The following RNF121 variants were observed in gnomAD, a reference collection of about 807,000 sequenced individuals.
The protein encoded by RNF121 is ring finger protein 121.
A neutral mutation model predicts 46.5 loss-of-function variants in RNF121; 21 were observed. That is an observed-to-expected ratio of 0.45 (90% CI 0.32 to 0.65). RNF121 has a LOEUF of 0.65. Ranked by LOEUF, RNF121 falls within the 30% of genes least tolerant of loss-of-function variation. The pLI, the probability that RNF121 is intolerant of heterozygous loss-of-function variation, is 0.04. For synonymous variants in RNF121, 139 were observed against 144.7 expected (o/e 0.96, Z 0.28); for missense variants, 346 against 416.0 (o/e 0.83, Z 1.46).
At chr11:71,961,593 T>G (rs573314140) in intron 3 of RNF121, among the ~76,000 whole-genome samples, 2 of 152,182 alleles carry the variant, frequency 1.3e-5, no homozygotes, top group South Asian at 4.1e-4. Context: ...CAGTAATGGT[T>G]GAAATTAGGT....
chr11:71,982,500 G>A (rs774686922), intron 3 of RNF121, among the ~76,000 whole-genome samples: 3 of 152,170 alleles, frequency 2.0e-5, no homozygotes, highest in Non-Finnish European at 2.9e-5. Context: ...GCTCATTGCA[G>A]TCAGCCAGCC....
At chr11:71,936,906 A>G (rs1953429495) in intron 1 of RNF121, among the ~76,000 whole-genome samples, 1 of 152,196 alleles carries the variant, frequency 6.6e-6, no homozygotes, top group African/African-American at 2.4e-5. Context: ...GCCCATATCC[A>G]TATATTTATT....
Position 71,987,211 on chromosome 11 carries a change from A to G in RNF121, c.506+100A>G, listed in dbSNP as rs553977949. The G allele has an allele frequency of 2.5e-4, 191 of 778,316 alleles. No individual in the cohort carries two copies. In the East Asian group the frequency reaches 4.7e-3, roughly 19 times the overall value. The allele number at this position is 778,316 out of a possible 1,614,324, so 48.2% of individuals were successfully genotyped here. The stretch of plus-strand genomic sequence containing the variant: ...TCGTGGTTATTAACAGGAGGGACGT[A>G]ATATCCAGGATAGGAGACTTGGGTG... On this transcript the variant is annotated intron_variant, in intron 5 of 8. Transcript: ENST00000361756.
chr11:71,958,447 A>G (rs1284557112), intron 2 of RNF121, among the ~76,000 whole-genome samples: 3 of 152,322 alleles, frequency 2.0e-5, no homozygotes, highest in East Asian at 1.9e-4. Flanking sequence ...GACTGAAGCT[A>G]TAAGAAGATA....
intron 1 of RNF121, among the ~76,000 whole-genome samples, chr11:71,955,631 T>C (rs1953973156): frequency 6.6e-6 from 1 of 152,098 alleles, no homozygotes. Context: ...AGGAAGGGTA[T>C]GCAAAGGCCC....
intron 1 of RNF121, among the ~76,000 whole-genome samples, chr11:71,931,365 AT>A (rs1554983841): frequency 6.6e-6 from 1 of 152,194 alleles, no homozygotes; most frequent in Non-Finnish European, 1.5e-5. Context: ...GACTGGTTCT[AT>A]CTTTTTTGTT....
At chr11:71,986,972 T>C (rs945130478) in intron 4 of RNF121, 32 bp from the exon 5 acceptor site, 1 of 1,247,900 alleles carries the variant, frequency 8.0e-7, no homozygotes, top group Non-Finnish European at 1.2e-6. Context: ...AATCTCTGTG[T>C]CAGCTGCACT....
At chr11:71,953,486 C>T (rs1953927289) in intron 1 of RNF121, among the ~76,000 whole-genome samples, 1 of 152,188 alleles carries the variant, frequency 6.6e-6, no homozygotes, top group Non-Finnish European at 1.5e-5. Flanking sequence ...GCTTCTCAAA[C>T]TTTAATGTAC....
chr11:71,950,011 CAG>C (rs945252287), intron 1 of RNF121, among the ~76,000 whole-genome samples: 13 of 149,800 alleles, frequency 8.7e-5, no homozygotes, highest in African/African-American at 3.3e-4. Context: ...AAAAACAAAA[CAG>C]AACACACACA....
In RNF121 at chr11:71,942,795, T is replaced by G. The variant is rs866998902; in HGVS notation, c.63+13671T>G. Among the ~76,000 whole-genome samples the G allele has an allele frequency of 2.3e-3, 136 of 60,444 alleles. 1 individual carries two copies. The highest frequency in any genetic ancestry group is 8.6e-3 in the Admixed American group (49 of 5,696). 39.7% of individuals were successfully genotyped at this position (60,444 alleles called of 152,430 possible). ...CTGTATATATATATATATATAGATA[T>G]ATATATGTACACACACACACACACA... On this transcript the variant is annotated intron_variant, in intron 1 of 8. Coordinates refer to ENST00000361756, the MANE Select transcript of RNF121 (RefSeq NM_018320.5).
Position 71,994,746 on chromosome 11 carries a change from A to C in RNF121, c.655A>C (p.Lys219Gln). Residue 219 changes from lysine to glutamine, a missense_variant, in exon 7 of 9, where the codon AAA becomes CAA. Around this residue, in one of 2 missense-constraint regions of RNF121, gnomAD observed 286 missense variants for 383.8 expected, o/e 0.75. Transcript: ENST00000361756. Reference sequence around the variant, plus strand: ...CTACAGCGAGTCGGGCATGCCTACCAAACATCTTTCAGACAGTGTGTGTGC... The same window carrying C: ...CTACAGCGAGTCGGGCATGCCTACCCAACATCTTTCAGACAGTGTGTGTGC... ...GFYSESGMPTKHLSDSVCAVC... is the reference protein window; with the variant it reads ...GFYSESGMPTQHLSDSVCAVC... 6.2e-7 allele frequency: 1 copy of C among 1,614,156 alleles called. No homozygotes were observed. The highest frequency in any genetic ancestry group is 2.2e-5 in the East Asian group (1 of 44,888).
At chr11:71,949,372 TG>T (rs766813805) in intron 1 of RNF121, among the ~76,000 whole-genome samples, 5 of 151,964 alleles carry the variant, frequency 3.3e-5, no homozygotes, top group Non-Finnish European at 4.4e-5. Flanking sequence ...GATCTGTGAT[TG>T]CACTACGGCA....
intron 1 of RNF121, among the ~76,000 whole-genome samples, chr11:71,935,745 A>G (rs915059143): frequency 4.6e-5 from 7 of 152,268 alleles, no homozygotes; most frequent in African/African-American, 1.4e-4. Context: ...GACTTGGATC[A>G]CAGAGTTTTA....
intron 1 of RNF121, among the ~76,000 whole-genome samples, chr11:71,935,617 A>G (rs547185792): frequency 2.0e-5 from 3 of 152,306 alleles, no homozygotes; most frequent in South Asian, 4.1e-4. Context: ...GTATGACTCA[A>G]TAAATGCTTA....
chr11:71,935,846 C>CTTT (rs994241423), intron 1 of RNF121, among the ~76,000 whole-genome samples: 77 of 114,698 alleles, frequency 6.7e-4, no homozygotes, highest in Middle Eastern at 5.2e-3. Context: ...TATTCTTTTT[C>CTTT]TTTTTTTTTT....
intron 1 of RNF121, among the ~76,000 whole-genome samples, chr11:71,933,006 T>C (rs1953311397): frequency 1.3e-5 from 2 of 152,200 alleles, no homozygotes; most frequent in South Asian, 4.1e-4. Context: ...CTAAGCTCAG[T>C]TCTGTCTCTC....
intron 1 of RNF121, among the ~76,000 whole-genome samples, chr11:71,943,020 C>T (rs2134155530): frequency 6.6e-6 from 1 of 152,192 alleles, no homozygotes; most frequent in Admixed American, 6.5e-5. Context: ...GAGGTCTCCA[C>T]CTTCACAACC....
In RNF121 at chr11:71,973,048, T is replaced by C. The variant is rs1954453566; in HGVS notation, c.244-9713T>C. Among the ~76,000 whole-genome samples, 4 of 151,922 alleles carry C rather than the reference T, an allele frequency of 2.6e-5. No individual in the cohort carries two copies. The South Asian group carries it at 8.3e-4, about 32-fold the overall frequency. On this transcript the variant is annotated intron_variant, in intron 3 of 8. Transcript: ENST00000361756. ...CTAAAAATACACTGTTAGCCGGACA[T>C]GGTGGTGCATGCCTGTAATCCCAGC...
At chr11:71,979,277 T>G (rs1954596069) in intron 3 of RNF121, among the ~76,000 whole-genome samples, 1 of 152,136 alleles carries the variant, frequency 6.6e-6, no homozygotes, top group South Asian at 2.1e-4. Context: ...AGGACCTCCT[T>G]AGGGTGACCT....
Sources: gnomAD v4.1 joint callset for allele counts (sites outside exome capture counted in the v4.1 genomes callset) on GRCh38, gnomAD v4.1.1 for gene constraint, gnomAD v4.1.1 regional missense constraint, MANE v1.5 for transcripts, NCBI Gene and HGNC (gene_info 2026-07-23, HGNC 2026-07-21) for gene names.